ANO3: variants seen among roughly 807,000 people sequenced by gnomAD.
ANO3 encodes the protein anoctamin-3.
Under a neutral mutation model 144.8 loss-of-function variants are expected in ANO3, and 99 were observed. The observed-to-expected ratio is 0.68, with a 90% CI of 0.58 to 0.81. The LOEUF (loss-of-function observed/expected upper bound fraction) is 0.81. Ranked by LOEUF, ANO3 falls within the 30% of genes least tolerant of loss-of-function variation. The pLI is 0.00. For synonymous variants in ANO3, 414 were observed against 392.6 expected (o/e 1.05, Z -0.64); for missense variants, 905 against 1,202.2 (o/e 0.75, Z 3.66).
At chr11:26,226,216 G>A (rs1388148548) in intron 1 of ANO3, among the ~76,000 whole-genome samples, 2 of 151,884 alleles carry the variant, frequency 1.3e-5, no homozygotes, top group African/African-American at 4.8e-5. Flanking sequence ...TTCAACAGAA[G>A]GCAAGACAGA....
intron 1 of ANO3, among the ~76,000 whole-genome samples, chr11:26,196,192 G>C (rs1851584539): frequency 6.6e-6 from 1 of 152,136 alleles, no homozygotes; most frequent in Admixed American, 6.6e-5. Flanking sequence ...TCTCGAGAGT[G>C]AATTGTGTTA....
intron 26 of ANO3, 40 bp from the exon 27 acceptor site, chr11:26,660,222 G>T: frequency 6.3e-7 from 1 of 1,582,622 alleles, no homozygotes; most frequent in South Asian, 1.1e-5. Context: ...TAGCATTTCA[G>T]AATCTTTGAA....
chr11:26,274,104 C>T (rs985851303), intron 1 of ANO3, among the ~76,000 whole-genome samples: 3 of 152,140 alleles, frequency 2.0e-5, no homozygotes, highest in Non-Finnish European at 4.4e-5. Flanking sequence ...AAAATCTCTT[C>T]TGCTCACATT....
chr11:26,198,659 C>T (rs996319560), intron 1 of ANO3, among the ~76,000 whole-genome samples: 7 of 152,162 alleles, frequency 4.6e-5, no homozygotes, highest in African/African-American at 1.4e-4. Flanking sequence ...TCCCTGCATA[C>T]ATACCTTTCT....
At chr11:26,410,241 T>A (rs1327429056) in intron 1 of ANO3, among the ~76,000 whole-genome samples, 1 of 151,912 alleles carries the variant, frequency 6.6e-6, no homozygotes, top group Non-Finnish European at 1.5e-5. Flanking sequence ...AAGCCATATA[T>A]CCTTATTTAT....
intron 17 of ANO3, among the ~76,000 whole-genome samples, chr11:26,603,645 A>T (rs1010663629): frequency 2.7e-5 from 4 of 147,906 alleles, no homozygotes; most frequent in Non-Finnish European, 4.5e-5. Flanking sequence ...AGTTTACTTG[A>T]TTCCATTTTT....
chr11:26,466,145 CAGTAAATAGCTTTTGCTA>C (rs997816175), intron 4 of ANO3, among the ~76,000 whole-genome samples: 80 of 151,864 alleles, frequency 5.3e-4, no homozygotes, highest in African/African-American at 1.9e-3. Flanking sequence ...ATATGGCAAA[CAGTAAATAGCTTTTGCTA>C]TCCAAGTACT....
At chr11:26,366,830 T>C (rs1212322657) in intron 1 of ANO3, among the ~76,000 whole-genome samples, 1 of 83,328 alleles carries the variant, frequency 1.2e-5, no homozygotes, top group Non-Finnish European at 2.4e-5. Context: ...GGGTTGTTTG[T>C]TTTTTTCTTG....
chr11:26,515,570 A>C (rs1861830637), intron 5 of ANO3, among the ~76,000 whole-genome samples: 4 of 152,026 alleles, frequency 2.6e-5, no homozygotes, highest in Admixed American at 2.6e-4. Flanking sequence ...CAAATCCATG[A>C]AACTAGCCCT....
At position 26,643,249 on chromosome 11, in the gene ANO3, A is replaced by G. The variant is rs1554984056; in HGVS notation, c.2343A>G (p.Leu781=). The G allele has an allele frequency of 6.2e-7, 1 of 1,614,206 alleles. No individual in the cohort carries two copies. Among genetic ancestry groups the G allele is most frequent in the Non-Finnish European group, 8.5e-7 (1 of 1,180,026 alleles). Residue 781 remains leucine (L), a synonymous_variant, in exon 23 of 27, where the codon TTA becomes TTG. Transcript: ENST00000256737. ...AFPLAPLLAL[L]NNIIEIRLDA... The stretch of plus-strand genomic sequence containing the variant: ...CTCTAGCCCCTCTTTTGGCTTTGTT[A>G]AACAATATCATTGAAATCAGGCTGG...
intron 1 of ANO3, among the ~76,000 whole-genome samples, chr11:26,268,511 A>C (rs1853363557): frequency 6.6e-6 from 1 of 152,190 alleles, no homozygotes; most frequent in African/African-American, 2.4e-5. Context: ...GGGAATGTCA[A>C]AGGTCTCTTT....
rs115424957 is a variant in ANO3, at chr11:26,190,049, C to T, written c.154+719C>T. The stretch of plus-strand genomic sequence containing the variant: ...ATTGTGCTTTGTAAAAAATGTTTGC[C>T]TGATGGATATTTTAAATGTTGTACT... On this transcript the variant is annotated intron_variant, in intron 1 of 27. Transcript: ENST00000672621. Among the ~76,000 whole-genome samples the T allele has an allele frequency of 5.0e-3, 768 of 152,154 alleles. 8 individuals carry two copies. Among genetic ancestry groups the T allele is most frequent in the African/African-American group, 0.015 (623 of 41,510 alleles).
chr11:26,465,996 C>G (rs1043601433), intron 4 of ANO3, among the ~76,000 whole-genome samples: 2 of 151,828 alleles, frequency 1.3e-5, no homozygotes, highest in African/African-American at 4.8e-5. Flanking sequence ...GTTATTTATA[C>G]TGAAATTATT....
At chr11:26,286,282 T>C (rs970612230) in intron 1 of ANO3, 1 of 152,186 alleles carries the variant, frequency 6.6e-6, no homozygotes, top group Admixed American at 6.5e-5. Context: ...ATTTGTTTCA[T>C]TTAGAGCACA....
chr11:26,506,159 A>G (rs1032070611), intron 4 of ANO3, among the ~76,000 whole-genome samples: 1 of 152,146 alleles, frequency 6.6e-6, no homozygotes, highest in Non-Finnish European at 1.5e-5. Context: ...TCCCTCACCT[A>G]AAAGTACTTC....
chr11:26,393,423 G>T (rs1347175879), intron 1 of ANO3, among the ~76,000 whole-genome samples: 1 of 152,036 alleles, frequency 6.6e-6, no homozygotes, highest in Non-Finnish European at 1.5e-5. Context: ...AAGAGAAAAA[G>T]GGAATGAAAG....
intron 24 of ANO3, among the ~76,000 whole-genome samples, chr11:26,652,655 G>A (rs1853569403): frequency 6.6e-6 from 1 of 152,076 alleles, no homozygotes; most frequent in African/African-American, 2.4e-5. Flanking sequence ...AATAGATAAA[G>A]TCCTCCCTTG....
chr11:26,390,020 G>A (rs1267096337), intron 1 of ANO3, among the ~76,000 whole-genome samples: 2 of 151,938 alleles, frequency 1.3e-5, no homozygotes, highest in Admixed American at 1.3e-4. Context: ...AGTTAAATAA[G>A]AAGGGAAAAA....
At chr11:26,593,894 T>C (rs1851528665) in intron 14 of ANO3, among the ~76,000 whole-genome samples, 1 of 152,156 alleles carries the variant, frequency 6.6e-6, no homozygotes, top group African/African-American at 2.4e-5. Context: ...CTCTTCCTGA[T>C]CTCTATTATA....
Sources: gnomAD v4.1 joint callset for allele counts (sites outside exome capture counted in the v4.1 genomes callset) on GRCh38, gnomAD v4.1.1 for gene constraint, MANE v1.5 for transcripts, NCBI Gene and HGNC (gene_info 2026-07-23, HGNC 2026-07-21) for gene names.